Variants in PTPRS observed in about 807,000 individuals in gnomAD.
PTPRS encodes protein tyrosine phosphatase receptor type S.
Under a neutral mutation model 215.3 loss-of-function variants are expected in PTPRS, and 63 were observed. The ratio of observed to expected loss-of-function variants is 0.29; its 90% confidence interval spans 0.24 to 0.36. PTPRS has a LOEUF of 0.36. Ranked by LOEUF, PTPRS falls within the 10% of genes least tolerant of loss-of-function variation. The pLI is 1.00. For missense variants in PTPRS, 2,258 were observed against 2,825.8 expected (o/e 0.80, Z 4.56); for synonymous variants, 1,404 against 1,191.4 (o/e 1.18, Z -3.68).
rs146226814 is a variant in PTPRS at position 5,262,629 on chromosome 19, C to T, written c.577+335G>A. Among the ~76,000 whole-genome samples the T allele has an allele frequency of 2.5e-3, 377 of 152,364 alleles. 1 individual carries two copies. The highest frequency in any genetic ancestry group is 0.017 in the Middle Eastern group (5 of 294). On this transcript the variant is annotated intron_variant, in intron 6 of 37. Transcript: ENST00000262963. ...GTGCGGGAGGAAATGTTGTTAGGTG[C>T]GAAGTTCCATGAGCCCGAGGATGCC...
At position 5,295,120 on chromosome 19, in the gene PTPRS, G is replaced by C. The variant is rs1411984345; in HGVS notation, c.-94-8886C>G. On this transcript the variant is annotated intron_variant, in intron 1 of 37. Coordinates refer to ENST00000262963, the MANE Select transcript of PTPRS (RefSeq NM_002850.4). The surrounding 1 kb of genome is among the most constrained non-coding windows in gnomAD (Gnocchi z 4.6). ...AGGCACGGGGCTCATACAGACTCGAGTTTGAATCCAGGGATGCCCCGTGTG... is the reference window on the plus strand; with the variant it reads ...AGGCACGGGGCTCATACAGACTCGACTTTGAATCCAGGGATGCCCCGTGTG... 6.6e-6 allele frequency among the ~76,000 whole-genome samples: 1 copy of C among 152,222 alleles called. No individual in the cohort carries two copies. The highest frequency in any genetic ancestry group is 1.5e-5 in the Non-Finnish European group (1 of 68,050).
intron 29 of PTPRS, 32 bp from the exon 30 acceptor site, chr19:5,214,512 G>A: frequency 1.2e-6 from 2 of 1,613,338 alleles, no homozygotes; most frequent in Non-Finnish European, 1.7e-6. Flanking sequence ...GTGTCAGCAG[G>A]GACAGGCTGA....
At chr19:5,214,506 C>A (rs753839474) in intron 29 of PTPRS, 26 bp from the exon 30 acceptor site, 1 of 1,613,620 alleles carries the variant, frequency 6.2e-7, no homozygotes, top group South Asian at 1.1e-5. Flanking sequence ...GAACAGGTGT[C>A]AGCAGGGACA....
chr19:5,226,424 T>C (rs2042504653), intron 16 of PTPRS, among the ~76,000 whole-genome samples: 2 of 152,196 alleles, frequency 1.3e-5, no homozygotes, highest in African/African-American at 4.8e-5. Flanking sequence ...GAAACAGAGC[T>C]GTTATTAAAA....
chr19:5,209,094 G>A (rs879886810), intron 35 of PTPRS, among the ~76,000 whole-genome samples: 124 of 151,870 alleles, frequency 8.2e-4, no homozygotes, highest in Non-Finnish European at 1.5e-3. Context: ...ACCTTCTGCC[G>A]TCCCGAGTTC....
At chr19:5,306,303 C>T (rs890881763) in intron 1 of PTPRS, among the ~76,000 whole-genome samples, 13 of 152,016 alleles carry the variant, frequency 8.6e-5, no homozygotes, top group African/African-American at 1.4e-4. Flanking sequence ...CGCCACCACG[C>T]CTGGCTAATT....
intron 5 of PTPRS, among the ~76,000 whole-genome samples, chr19:5,263,415 A>T (rs2046163322): frequency 1.3e-5 from 2 of 151,902 alleles, no homozygotes; most frequent in Non-Finnish European, 2.9e-5. Flanking sequence ...GAGAACAGGT[A>T]GGTAGGCTCT....
At chr19:5,274,540 C>T (rs977341510) in intron 2 of PTPRS, among the ~76,000 whole-genome samples, 196 bp from the exon 3 acceptor site, 1 of 152,222 alleles carries the variant, frequency 6.6e-6, no homozygotes, top group Admixed American at 6.5e-5. Flanking sequence ...CCATGGGCAC[C>T]CAGGTGCCCA....
rs543299325 is a variant in PTPRS at position 5,295,976 on chromosome 19, G to A, written c.-94-9742C>T. Among the ~76,000 whole-genome samples, 6 of 152,062 alleles carry A rather than the reference G, an allele frequency of 3.9e-5. No individual in the cohort carries two copies. Among genetic ancestry groups the A allele is most frequent in the South Asian group, 4.2e-4 (2 of 4,804 alleles). ...TCCCCATGTTGCCCCGACTGGTCTC[G>A]AACTCCTAGACTCAAGTGAACCTCC... On this transcript the variant is annotated intron_variant, in intron 1 of 37. Transcript: ENST00000262963. The surrounding 1 kb of genome is among the most constrained non-coding windows in gnomAD (Gnocchi z 4.6).
At chr19:5,256,989 G>A (rs943839662) in intron 8 of PTPRS, among the ~76,000 whole-genome samples, 5 of 151,816 alleles carry the variant, frequency 3.3e-5, no homozygotes, top group African/African-American at 4.8e-5. Context: ...ATTACACAGC[G>A]CTAACTGGGG....
At chr19:5,284,164 C>T (rs543539487) in intron 2 of PTPRS, among the ~76,000 whole-genome samples, 7 of 149,294 alleles carry the variant, frequency 4.7e-5, no homozygotes, top group Admixed American at 2.7e-4. Context: ...ATTGAGACCA[C>T]CCTGGCTAAC....
At position 5,211,645 on chromosome 19, in the gene PTPRS, T is replaced by G; in HGVS notation, c.5179A>C (p.Ile1727Leu). 1.1e-5 allele frequency: 17 copies of G among 1,614,004 alleles called. 1 individual carries two copies. The South Asian group carries it at 1.8e-4, about 17-fold the overall frequency. ...YESTRVCLQP[I>L]RGVEGSDYIN... Reference sequence around the variant, plus strand: ...TAGTCAGAGCCCTCCACACCCCGGATGGGTTGCAGACAGACCCGTGTGCTC... The same window carrying G: ...TAGTCAGAGCCCTCCACACCCCGGAGGGGTTGCAGACAGACCCGTGTGCTC... The change falls in exon 33 of 38, where the codon ATC becomes CTC. Residue 1727 changes from isoleucine (I) to leucine (L), a missense_variant. Physicochemically the swap from Ile to Leu is conservative, Grantham distance 5. Around this residue, in one of 6 missense-constraint regions of PTPRS, gnomAD observed 927 missense variants for 1,125.9 expected, o/e 0.82. Transcript: ENST00000262963.
In PTPRS at chr19:5,211,691, C is replaced by T; in HGVS notation, c.5133G>A (p.Leu1711=). The change falls in exon 33 of 38, where the codon CTG becomes CTA. Residue 1711 remains leucine, a synonymous_variant. Transcript: ENST00000262963. ...NLPCNKFKNR[L]VNIMPYESTR... The stretch of plus-strand genomic sequence containing the variant: ...TGCTCTCATAGGGCATGATGTTCAC[C>T]AGGCGGTTCTTGAACTTGTTACAAG... 2 of 1,614,124 alleles carry T rather than the reference C, an allele frequency of 1.2e-6. No individual in the cohort carries two copies. The highest frequency in any genetic ancestry group is 1.7e-6 in the Non-Finnish European group (2 of 1,180,030).
In PTPRS at chr19:5,257,469, C is replaced by T. The variant is rs1248423354; in HGVS notation, c.706+548G>A. On this transcript the variant is annotated intron_variant, in intron 8 of 37. Transcript: ENST00000262963. The surrounding 1 kb of genome is among the most constrained non-coding windows in gnomAD (Gnocchi z 4.4). ...GGAAGAGGCAGAAGGCGCCGGGCTC[C>T]GGACCAGCTGGTGGGGGGTGGGAGG... 12 of 457,434 alleles carry T rather than the reference C, an allele frequency of 2.6e-5. No individual in the cohort carries two copies. The highest frequency in any genetic ancestry group is 1.5e-4 in the South Asian group (10 of 64,584). 28.3% of individuals were successfully genotyped at this position (457,434 alleles called of 1,614,324 possible). A position where few individuals can be genotyped will look rare whatever the true frequency, so the allele number is the denominator to read the frequency against.
chr19:5,283,359 C>G (rs2048036766), intron 2 of PTPRS, among the ~76,000 whole-genome samples: 2 of 152,140 alleles, frequency 1.3e-5, no homozygotes. Context: ...GGCAGACCAC[C>G]TGAGGTCAGG....
intron 2 of PTPRS, among the ~76,000 whole-genome samples, chr19:5,283,584 AAAC>A (rs1276839429): frequency 6.6e-6 from 1 of 152,100 alleles, no homozygotes; most frequent in Admixed American, 6.5e-5. Flanking sequence ...CTCAAAAAAA[AAAC>A]AAAAGAAAAG....
At chr19:5,298,875 G>A (rs1029524318) in intron 1 of PTPRS, among the ~76,000 whole-genome samples, 1 of 152,130 alleles carries the variant, frequency 6.6e-6, no homozygotes, top group Non-Finnish European at 1.5e-5. Context: ...GTCCTTCCAG[G>A]GGCTCAGGCT....
rs77694034 is a variant in PTPRS, at chr19:5,222,876, G to A, written c.2916C>T (p.Ala972=). The A allele has an allele frequency of 3.8e-3, 6,014 of 1,580,592 alleles. 192 individuals carry two copies. The African/African-American group carries it at 0.071, about 19-fold the overall frequency. Residue 972 remains alanine, a synonymous_variant, in exon 18 of 38, where the codon GCC becomes GCT. Transcript: ENST00000262963. ...TCTCTCGGGCAGGGCCCAGGGCACC[G>A]GCCTCCCGCACGGCCACCGTGTATT... The part of the protein sequence containing the change: ...IVKYTVAVRE[A]GALGPARETE...
intron 1 of PTPRS, among the ~76,000 whole-genome samples, chr19:5,332,523 T>C (rs2050360396): frequency 6.6e-6 from 1 of 152,156 alleles, no homozygotes; most frequent in African/African-American, 2.4e-5. Context: ...TCCTTGGAGG[T>C]TGAAGAAGCC....
Sources: gnomAD v4.1 joint callset for allele counts (sites outside exome capture counted in the v4.1 genomes callset) on GRCh38, gnomAD v4.1.1 for gene constraint, gnomAD v4.1.1 regional missense constraint, Gnocchi (gnomAD v3.1) non-coding constraint, MANE v1.5 for transcripts, NCBI Gene and HGNC (gene_info 2026-07-23, HGNC 2026-07-21) for gene names.